The following KSR1 variants were observed in gnomAD, a reference collection of about 807,000 sequenced individuals.
The protein encoded by KSR1 is kinase suppressor of ras 1.
Under a neutral mutation model 92.9 loss-of-function variants are expected in KSR1, and 35 were observed. The observed-to-expected ratio is 0.38, with a 90% CI of 0.29 to 0.50. KSR1 has a LOEUF of 0.50. Among genes scored for constraint, KSR1 ranks in the 20% least tolerant of loss-of-function variants. The pLI is 0.94. For synonymous variants in KSR1, 467 were observed against 472.6 expected (o/e 0.99, Z 0.15); for missense variants, 972 against 1,158.5 (o/e 0.84, Z 2.34).
intron 1 of KSR1, among the ~76,000 whole-genome samples, chr17:27,517,402 G>A (rs1261255287): frequency 3.3e-5 from 5 of 151,582 alleles, no homozygotes; most frequent in Non-Finnish European, 5.9e-5. Flanking sequence ...GCGTGATCTC[G>A]GCTCACTGCA....
rs138067013 is a variant in KSR1, at chr17:27,620,311, C to T, written c.2628-882C>T. Among the ~76,000 whole-genome samples the T allele has an allele frequency of 6.0e-4, 91 of 152,294 alleles. 1 individual carries two copies. The highest frequency in any genetic ancestry group is 2.1e-3 in the African/African-American group (87 of 41,568). ...TGCACACCTGCCGCATGCCTGCACACCTGCCGCATTGCTACACAGATGGCC... is the reference window on the plus strand; with the variant it reads ...TGCACACCTGCCGCATGCCTGCACATCTGCCGCATTGCTACACAGATGGCC... On this transcript the variant is annotated intron_variant, in intron 19 of 20. Coordinates refer to ENST00000644974, the MANE Select transcript of KSR1 (RefSeq NM_001394583.1).
intron 1 of KSR1, among the ~76,000 whole-genome samples, chr17:27,538,289 C>G (rs1268393952): frequency 6.6e-6 from 1 of 152,192 alleles, no homozygotes; most frequent in Non-Finnish European, 1.5e-5. Context: ...CACACGTGTG[C>G]TGGTTTTGCA....
At chr17:27,473,906 A>G (rs1441746502) in intron 1 of KSR1, among the ~76,000 whole-genome samples, 5 of 152,176 alleles carry the variant, frequency 3.3e-5, no homozygotes, top group African/African-American at 1.2e-4. Context: ...CCACTCTTCC[A>G]GCTGCATCTT....
At chr17:27,600,135 C>T (rs1235208330) in intron 10 of KSR1, among the ~76,000 whole-genome samples, 9 of 131,972 alleles carry the variant, frequency 6.8e-5, no homozygotes, top group Non-Finnish European at 3.1e-5. Context: ...CAAGTATACT[C>T]TAAAATCATG....
chr17:27,491,459 G>A (rs1166908139), intron 1 of KSR1, among the ~76,000 whole-genome samples: 1 of 151,874 alleles, frequency 6.6e-6, no homozygotes, highest in Non-Finnish European at 1.5e-5. Flanking sequence ...CAAAGTGCTG[G>A]GATTACAGGC....
chr17:27,583,092 G>C lies in KSR1; in HGVS notation c.967G>C (p.Val323Leu). Residue 323 changes from valine (V) to leucine (L), a missense_variant, in exon 4 of 21, where the codon GTC (valine) becomes CTC (leucine). Coordinates refer to ENST00000644974, the MANE Select transcript of KSR1 (RefSeq NM_001394583.1). ...ESQLGNRIDD[V>L]SSMRFDLSHG... ...TCAGCTGGGGAACCGCATTGATGAC[G>C]TCTCCTCGATGAGGTGAGTGCTCCT... 6.4e-7 allele frequency: 1 copy of C among 1,562,192 alleles called. No homozygotes were observed. Among genetic ancestry groups the C allele is most frequent in the African/African-American group, 1.4e-5 (1 of 74,048 alleles).
intron 1 of KSR1, among the ~76,000 whole-genome samples, chr17:27,514,097 C>G (rs2069701905): frequency 6.6e-6 from 1 of 152,216 alleles, no homozygotes. Context: ...TTTTTGTTTC[C>G]TAACAAAATT....
At position 27,597,412 on chromosome 17, in the gene KSR1, C is replaced by A; in HGVS notation, c.1444C>A (p.Arg482=). 6.2e-7 allele frequency: 1 copy of A among 1,609,782 alleles called. No individual in the cohort carries two copies. The highest frequency in any genetic ancestry group is 8.5e-7 in the Non-Finnish European group (1 of 1,177,340). The change falls in exon 10 of 21, where the codon CGG becomes AGG. Residue 482 remains arginine, a synonymous_variant. Transcript: ENST00000644974. ...GCCCCCCAACCCCTCACCTGGCCAG[C>A]GGGACAGCAGGTTCAACTTCCCAGG... ...TTPPNPSPGQ[R]DSRFNFPAAY...
intron 2 of KSR1, among the ~76,000 whole-genome samples, chr17:27,553,530 A>G (rs1198811251): frequency 6.6e-6 from 1 of 152,186 alleles, no homozygotes. Flanking sequence ...GCCAGGAGGA[A>G]GTGAGGCTGG....
At chr17:27,604,533 T>G in intron 12 of KSR1, 147 bp from the exon 13 acceptor site, 1 of 728,004 alleles carries the variant, frequency 1.4e-6, no homozygotes, top group South Asian at 1.6e-5. Context: ...CTCCTGCCTA[T>G]TGCCATGCTA....
chr17:27,602,007 AC>A, intron 11 of KSR1: 8 of 1,312,176 alleles, frequency 6.1e-6, no homozygotes, highest in Non-Finnish European at 6.5e-6. Context: ...TTCTACACTT[AC>A]TATGTACCAA....
chr17:27,456,478 C>G lies in KSR1; in HGVS notation c.-166C>G. The G allele has an allele frequency of 2.6e-6, 1 of 383,320 alleles. No homozygotes were observed. The allele number at this position is 383,320 out of a possible 1,614,324, so 23.7% of individuals were successfully genotyped here. On this transcript the variant is annotated 5_prime_UTR_variant, in exon 1 of 21. Transcript: ENST00000644974. ...CGCGGCTTTCGCTTTGCTGCCGCGG[C>G]TGGGAGGGTGGAAGCGGCAGACTCA... is the stretch of plus-strand genomic sequence containing the variant.
At chr17:27,619,747 C>T (rs1198568075) in intron 19 of KSR1, among the ~76,000 whole-genome samples, 2 of 151,760 alleles carry the variant, frequency 1.3e-5, no homozygotes, top group East Asian at 3.9e-4. Flanking sequence ...GAGTCTTGCT[C>T]TGTCACCCAG....
intron 2 of KSR1, among the ~76,000 whole-genome samples, chr17:27,573,988 G>A (rs1766254908): frequency 6.6e-6 from 1 of 152,214 alleles, no homozygotes; most frequent in Admixed American, 6.5e-5. Flanking sequence ...ATTATAGTTA[G>A]GTTGAAGATT....
At chr17:27,524,351 G>A (rs535618438) in intron 1 of KSR1, among the ~76,000 whole-genome samples, 1 of 152,250 alleles carries the variant, frequency 6.6e-6, no homozygotes, top group Admixed American at 6.5e-5. Context: ...GATCAATGGA[G>A]GAGTAATATT....
intron 14 of KSR1, 98 bp from the exon 15 acceptor site, chr17:27,607,816 C>A: frequency 1.2e-6 from 1 of 854,698 alleles, no homozygotes; most frequent in East Asian, 2.7e-5. Context: ...AGAGTCCTTG[C>A]AGGCAGACGG....
rs759589641 is a variant in KSR1, at chr17:27,588,482, G to T, written c.993G>T (p.Ser331=). 15 of 1,583,620 alleles carry T rather than the reference G, an allele frequency of 9.5e-6. No homozygotes were observed. In the East Asian group the frequency reaches 3.0e-4, roughly 32 times the overall value. ...DDVSSMRFDL[S]HGSPQMVRRD... is the part of the protein sequence containing the mutation. ...CGGCCTCTTTCCCTGCAGATCTCTC[G>T]CATGGATCCCCACAGATGGTACGGA... The change falls in exon 6 of 21, where the codon TCG becomes TCT. Residue 331 remains serine (S), a synonymous_variant. Coordinates refer to ENST00000644974, the MANE Select transcript of KSR1 (RefSeq NM_001394583.1).
At chr17:27,479,482 C>G (rs879451770) in intron 1 of KSR1, among the ~76,000 whole-genome samples, 1 of 152,172 alleles carries the variant, frequency 6.6e-6, no homozygotes, top group Non-Finnish European at 1.5e-5. Context: ...CCTTTTGTTC[C>G]TTCTGAGGCG....
intron 1 of KSR1, among the ~76,000 whole-genome samples, chr17:27,490,473 T>TC (rs1029618394): frequency 9.9e-5 from 15 of 152,242 alleles, no homozygotes; most frequent in Admixed American, 3.3e-4. Context: ...CCCCTTTTTT[T>TC]CCCGAGTGAA....
Sources: gnomAD v4.1 joint callset for allele counts (sites outside exome capture counted in the v4.1 genomes callset) on GRCh38, gnomAD v4.1.1 for gene constraint, MANE v1.5 for transcripts, NCBI Gene and HGNC (gene_info 2026-07-23, HGNC 2026-07-21) for gene names.